Variants in NEGR1 observed in about 807,000 individuals in gnomAD.
NEGR1 encodes the protein neuronal growth regulator 1, also known as IgLON family member 4.
NEGR1 carries 10 observed loss-of-function variants against 40.9 expected under a neutral mutation model. The observed-to-expected ratio is 0.24, with a 90% CI of 0.15 to 0.42. The LOEUF (loss-of-function observed/expected upper bound fraction) is 0.42. NEGR1 is among the 10% of genes least tolerant of loss of function. The probability of loss-of-function intolerance (pLI) is 1.00; values close to 1 mark genes in which losing one functional copy is unlikely to be tolerated. For missense variants in NEGR1, 352 were observed against 438.9 expected (o/e 0.80, Z 1.77); for synonymous variants, 185 against 166.8 (o/e 1.11, Z -0.84).
intron 4 of NEGR1, among the ~76,000 whole-genome samples, chr1:71,688,193 T>A (rs1653101391): frequency 6.7e-6 from 1 of 150,180 alleles, no homozygotes; most frequent in South Asian, 2.1e-4. Flanking sequence ...GTCTGCATGG[T>A]CGTAAGTGAC....
intron 2 of NEGR1, among the ~76,000 whole-genome samples, chr1:71,911,795 T>G (rs528208056): frequency 6.6e-6 from 1 of 152,278 alleles, no homozygotes; most frequent in South Asian, 2.1e-4. Flanking sequence ...AGTAAGAAAT[T>G]TAAAGGGTAA....
chr1:71,832,763 C>T (rs1658882796), intron 2 of NEGR1, among the ~76,000 whole-genome samples: 1 of 151,990 alleles, frequency 6.6e-6, no homozygotes, highest in South Asian at 2.1e-4. Context: ...AGAATGGCCT[C>T]TTCTGAAACT....
chr1:71,913,206 C>T (rs1661470619), intron 2 of NEGR1, among the ~76,000 whole-genome samples: 1 of 152,152 alleles, frequency 6.6e-6, no homozygotes, highest in African/African-American at 2.4e-5. Flanking sequence ...ACCTCCACCT[C>T]CTGGGTTCAA....
chr1:72,048,903 T>G (rs1647029426), intron 1 of NEGR1, among the ~76,000 whole-genome samples: 1 of 151,570 alleles, frequency 6.6e-6, no homozygotes, highest in South Asian at 2.1e-4. Flanking sequence ...TGGCCCAAAA[T>G]CATATGGACT....
chr1:71,720,790 T>G (rs2101652968), intron 3 of NEGR1, among the ~76,000 whole-genome samples: 1 of 152,334 alleles, frequency 6.6e-6, no homozygotes, highest in South Asian at 2.1e-4. Flanking sequence ...ACTTCCAAAC[T>G]TCAAGTTTCA....
chr1:71,934,948 T>C, intron 2 of NEGR1, 131 bp downstream of exon 2: 1 of 642,814 alleles, frequency 1.6e-6, no homozygotes. Context: ...TATGACAATA[T>C]AATTCAACAA....
At chr1:72,269,252 T>C (rs1384838491) in intron 1 of NEGR1, among the ~76,000 whole-genome samples, 1 of 151,674 alleles carries the variant, frequency 6.6e-6, no homozygotes, top group Non-Finnish European at 1.5e-5. Context: ...TATAGGTCTC[T>C]GAATCTTTGG....
At chr1:71,985,233 A>C (rs1646384660) in intron 1 of NEGR1, among the ~76,000 whole-genome samples, 1 of 152,218 alleles carries the variant, frequency 6.6e-6, no homozygotes, top group Non-Finnish European at 1.5e-5. Flanking sequence ...CCGGAAGTAT[A>C]GCAATGTGTG....
chr1:71,411,873 C>T (rs892895116), intron 6 of NEGR1, among the ~76,000 whole-genome samples: 11 of 152,162 alleles, frequency 7.2e-5, no homozygotes, highest in Non-Finnish European at 1.0e-4. Flanking sequence ...TGGTGTCACA[C>T]GCTTGTAGTC....
At chr1:71,759,424 A>G (rs1655858904) in intron 3 of NEGR1, among the ~76,000 whole-genome samples, 1 of 146,566 alleles carries the variant, frequency 6.8e-6, no homozygotes, top group Non-Finnish European at 1.5e-5. Flanking sequence ...CAGCCTCCCA[A>G]GTTGCTAGAA....
At chr1:71,652,012 T>A (rs902052928) in intron 4 of NEGR1, among the ~76,000 whole-genome samples, 2 of 152,194 alleles carry the variant, frequency 1.3e-5, no homozygotes, top group African/African-American at 4.8e-5. Flanking sequence ...AAGTATGTAA[T>A]AATTTTATGA....
chr1:72,012,707 G>A (rs920787814), intron 1 of NEGR1, among the ~76,000 whole-genome samples: 49 of 151,350 alleles, frequency 3.2e-4, no homozygotes, highest in African/African-American at 1.1e-3. Context: ...AAGACTGTGC[G>A]TCCCCAATCT....
At position 71,407,243 on chromosome 1, in the gene NEGR1, G is replaced by T; in HGVS notation, c.*203C>A. 2 of 454,268 alleles carry T rather than the reference G, an allele frequency of 4.4e-6. No homozygotes were observed. Among genetic ancestry groups the T allele is most frequent in the South Asian group, 3.8e-5 (1 of 26,326 alleles). The allele number at this position is 454,268 out of a possible 1,614,324, so 28.1% of individuals were successfully genotyped here. On this transcript the variant is annotated 3_prime_UTR_variant, in exon 7 of 7. Coordinates refer to ENST00000357731, the MANE Select transcript of NEGR1 (RefSeq NM_173808.3). ...TCACGTCTTAAAAAAAGGACAATGT[G>T]TACTGCTTCACAAGGTAATGTAGCT... is the stretch of plus-strand genomic sequence containing the variant.
chr1:72,021,482 A>C (rs1364912400), intron 1 of NEGR1, among the ~76,000 whole-genome samples: 5 of 152,284 alleles, frequency 3.3e-5, no homozygotes, highest in Non-Finnish European at 4.4e-5. Context: ...CAAGAAAATT[A>C]ATATTAGCAA....
chr1:71,474,517 T>TACAC (rs57225665), intron 6 of NEGR1, among the ~76,000 whole-genome samples: 9,926 of 115,352 alleles, frequency 0.086, 478 homozygotes, highest in Non-Finnish European at 0.1. Flanking sequence ...CTACTAACAA[T>TACAC]ACACACACAC....
At chr1:71,458,020 G>C (rs1379389823) in intron 6 of NEGR1, among the ~76,000 whole-genome samples, 9 of 152,018 alleles carry the variant, frequency 5.9e-5, no homozygotes, top group Non-Finnish European at 1.0e-4. Flanking sequence ...TATTTTATAA[G>C]AAAGGTAAGG....
At chr1:71,614,994 T>C (rs1170401689) in intron 4 of NEGR1, among the ~76,000 whole-genome samples, 5 of 152,142 alleles carry the variant, frequency 3.3e-5, no homozygotes, top group Admixed American at 3.3e-4. Flanking sequence ...TAAATATGCA[T>C]AAGAAAAAGT....
At chr1:71,633,709 G>T (rs1411564448) in intron 4 of NEGR1, among the ~76,000 whole-genome samples, 2 of 152,112 alleles carry the variant, frequency 1.3e-5, no homozygotes, top group African/African-American at 4.8e-5. Context: ...GTATTTGCAA[G>T]TACATGAGAG....
chr1:71,473,087 G>T (rs1450355727), intron 6 of NEGR1, among the ~76,000 whole-genome samples: 1 of 151,902 alleles, frequency 6.6e-6, no homozygotes, highest in African/African-American at 2.4e-5. Context: ...TTGTCTAAAA[G>T]AAATTTCACC....
Sources: allele counts gnomAD v4.1 joint callset (sites outside exome capture counted in the v4.1 genomes callset), GRCh38; gene constraint gnomAD v4.1.1; transcripts MANE v1.5; gene names NCBI Gene and HGNC (gene_info 2026-07-23, HGNC 2026-07-21).